BTD: variants seen among roughly 807,000 people sequenced by gnomAD.
The protein encoded by BTD is biotinidase.
BTD carries 13 observed loss-of-function variants against 17.7 expected under a neutral mutation model. The observed-to-expected ratio is 0.74, with a 90% CI of 0.48 to 1.17. The LOEUF is 1.17. Among genes scored for constraint, BTD ranks in the 50% most tolerant of loss-of-function variants. BTD has a pLI of 0.00. For synonymous variants in BTD, 240 were observed against 245.2 expected, an observed-to-expected ratio of 0.98 and a Z score of 0.20; for missense variants, 674 against 650.4, an observed-to-expected ratio of 1.04 and a Z score of -0.39.
At chr3:15,711,682 G>A (rs969109905) in exon 4 of BTD, among the ~76,000 whole-genome samples, 7 of 151,866 alleles carry the variant, frequency 4.6e-5, no homozygotes, top group Non-Finnish European at 1.0e-4. Context: ...GGGATGAAGA[G>A]GTTTTCTGTA....
intron 3 of BTD, among the ~76,000 whole-genome samples, chr3:15,698,531 C>T (rs1019197745): frequency 2.0e-5 from 3 of 152,204 alleles, no homozygotes; most frequent in African/African-American, 7.2e-5. Flanking sequence ...TGATAAGCAA[C>T]TTCAGCAAAG....
intron 1 of BTD, among the ~76,000 whole-genome samples, chr3:15,615,499 A>G (rs2064766494): frequency 6.6e-6 from 1 of 152,214 alleles, no homozygotes; most frequent in African/African-American, 2.4e-5. Context: ...CATGGTCTTT[A>G]AAATCTAAAC....
chr3:15,647,181 C>G lies in BTD; in HGVS notation c.*1693C>G, dbSNP rs2455852. On this transcript the variant is annotated 3_prime_UTR_variant, in exon 4 of 4. Transcript: ENST00000643237. ...ACCTCTCCCACCAGATGACGGAGTT[C>G]GCTTTCTCGCCCAGCGCAGCTCCCA... The G allele has an allele frequency of 3.3e-5, 5 of 152,074 alleles. No individual in the cohort carries two copies. The highest frequency in any genetic ancestry group is 2.6e-4 in the Admixed American group (4 of 15,272). The allele number at this position is 152,074 out of a possible 1,614,324, so 9.4% of individuals were successfully genotyped here. A position where few individuals can be genotyped will look rare whatever the true frequency, so the allele number is the denominator to read the frequency against.
chr3:15,608,531 G>T (rs950720170), intron 1 of BTD, among the ~76,000 whole-genome samples: 1 of 152,162 alleles, frequency 6.6e-6, no homozygotes, highest in Non-Finnish European at 1.5e-5. Flanking sequence ...ACTTTGGGAG[G>T]CCAAGGCAGG....
At chr3:15,627,712 CTTTTG>C (rs369839486) in intron 1 of BTD, among the ~76,000 whole-genome samples, 7 of 152,046 alleles carry the variant, frequency 4.6e-5, no homozygotes, top group Non-Finnish European at 7.4e-5. Flanking sequence ...AAGGGTTATT[CTTTTG>C]TTTTGTTTTG....
At position 15,653,103 on chromosome 3, in the gene BTD, C is replaced by T. The variant is rs532133287; in HGVS notation, c.*7615C>T. Among the ~76,000 whole-genome samples the T allele has an allele frequency of 1.2e-4, 19 of 152,318 alleles. No individual in the cohort carries two copies. The highest frequency in any genetic ancestry group is 4.1e-4 in the South Asian group (2 of 4,830). On this transcript the variant is annotated 3_prime_UTR_variant, in exon 4 of 4. Coordinates refer to ENST00000643237, the MANE Select transcript of BTD (RefSeq NM_001370658.1). ...TGGTATGGTGCAGACCAGGGGCTCT[C>T]GAAAGGTGGGCTCCAGGCAGCAGCA...
downstream of BTD, chr3:15,714,447 T>A: frequency 3.0e-6 from 2 of 668,548 alleles, no homozygotes. Context: ...TTTCATGAGC[T>A]CTGAAATCAT....
At chr3:15,716,963 C>T (rs759691259), downstream of BTD, among the ~76,000 whole-genome samples, 25 of 152,058 alleles carry the variant, frequency 1.6e-4, no homozygotes, top group Non-Finnish European at 7.4e-5. Context: ...TTCTGTCTCC[C>T]CATCTCCCTT....
chr3:15,702,461 G>T (rs1332266236), intron 3 of BTD, among the ~76,000 whole-genome samples: 1 of 152,076 alleles, frequency 6.6e-6, no homozygotes, highest in African/African-American at 2.4e-5. Context: ...TCTGTCCTCT[G>T]AAATAAAATA....
intron 1 of BTD, among the ~76,000 whole-genome samples, chr3:15,612,344 TATC>T (rs1054325362): frequency 2.0e-5 from 3 of 152,328 alleles, no homozygotes; most frequent in African/African-American, 7.2e-5. Flanking sequence ...TCATACCTAT[TATC>T]TGGTTTTTTT....
rs200286267 is a variant in BTD at position 15,685,476 on chromosome 3, C to T, written c.400-24584C>T. 83 of 1,601,064 alleles carry T rather than the reference C, an allele frequency of 5.2e-5. No homozygotes were observed. The African/African-American group carries it at 1.1e-3, about 20-fold the overall frequency. ...AGAAAATAATTTAAAGGTAGTCAAACATATTATGCTAAACATTACATGCCA... is the reference window on the plus strand; with the variant it reads ...AGAAAATAATTTAAAGGTAGTCAAATATATTATGCTAAACATTACATGCCA... On this transcript the variant is annotated intron_variant, in intron 3 of 3. Transcript: ENST00000672141.
intron 2 of BTD, among the ~76,000 whole-genome samples, chr3:15,640,256 T>G (rs1318464334): frequency 6.6e-6 from 1 of 152,244 alleles, no homozygotes; most frequent in Non-Finnish European, 1.5e-5. Context: ...GAGCACACTA[T>G]GCAGATGGTC....
downstream of BTD, chr3:15,713,753 A>G (rs940817174): frequency 3.6e-6 from 2 of 555,276 alleles, no homozygotes; most frequent in Non-Finnish European, 6.1e-6. Context: ...AGATACAGCA[A>G]TTTTAACTAG....
At chr3:15,603,558 G>A (rs1018550049) in intron 1 of BTD, among the ~76,000 whole-genome samples, 5 of 152,324 alleles carry the variant, frequency 3.3e-5, no homozygotes, top group African/African-American at 9.6e-5. Context: ...TCAGGAGGCT[G>A]AGGCAGGAGA....
intron 3 of BTD, among the ~76,000 whole-genome samples, chr3:15,681,705 CT>C (rs1350263785): frequency 6.6e-6 from 1 of 152,088 alleles, no homozygotes; most frequent in African/African-American, 2.4e-5. Context: ...TGTGTTCCAT[CT>C]TTTGTCAGTT....
In BTD at chr3:15,650,398, T is replaced by TCCTTCTCATTC; in HGVS notation, c.*4910_*4911insCCTTCTCATTC. Among the ~76,000 whole-genome samples the TCCTTCTCATTC allele has an allele frequency of 6.6e-6, 1 of 151,660 alleles. No individual in the cohort carries two copies. Among genetic ancestry groups the TCCTTCTCATTC allele is most frequent in the South Asian group, 2.1e-4 (1 of 4,782 alleles). On this transcript the variant is annotated 3_prime_UTR_variant, in exon 4 of 4. Coordinates refer to ENST00000643237, the MANE Select transcript of BTD (RefSeq NM_001370658.1). ...TTTGTAGATAACTTTTCTTCTCATT[T>TCCTTCTCATTC]TCCTTCTCATTCTCTTCATCTTTTT...
chr3:15,643,720 T>C (rs2065601181), intron 3 of BTD, among the ~76,000 whole-genome samples: 1 of 151,820 alleles, frequency 6.6e-6, no homozygotes, highest in Non-Finnish European at 1.5e-5. Flanking sequence ...TATTGATTTA[T>C]GATAGCTGTT....
chr3:15,603,140 T>G lies in BTD; in HGVS notation c.-17+1246T>G, dbSNP rs145649396. ...GGGTCCCTCTCACCACATGTGGGGATTATGGGAGCTATAATTCAAGATGAG... is the reference window on the plus strand; with the variant it reads ...GGGTCCCTCTCACCACATGTGGGGAGTATGGGAGCTATAATTCAAGATGAG... On this transcript the variant is annotated intron_variant, in intron 1 of 3. Transcript: ENST00000643237. 6.6e-5 allele frequency among the ~76,000 whole-genome samples: 10 copies of G among 152,252 alleles called. No individual in the cohort carries two copies. In the East Asian group the frequency reaches 1.7e-3, roughly 26 times the overall value.
At position 15,646,683 on chromosome 3, in the gene BTD, T is replaced by C. The variant is rs957310423; in HGVS notation, c.*1195T>C. On this transcript the variant is annotated 3_prime_UTR_variant, in exon 4 of 4. Coordinates refer to ENST00000643237, the MANE Select transcript of BTD (RefSeq NM_001370658.1). Reference sequence around the variant, plus strand: ...TTCAGATCATTTTTTAAGTACAGAATGGATAATTAGTCTTCAGTGATTTGC... The same window carrying C: ...TTCAGATCATTTTTTAAGTACAGAACGGATAATTAGTCTTCAGTGATTTGC... The C allele has an allele frequency of 6.6e-6, 1 of 152,276 alleles. No individual in the cohort carries two copies. Among genetic ancestry groups the C allele is most frequent in the African/African-American group, 2.4e-5 (1 of 41,466 alleles). 9.4% of individuals were successfully genotyped at this position (152,276 alleles called of 1,614,324 possible).
Sources: allele counts gnomAD v4.1 joint callset (sites outside exome capture counted in the v4.1 genomes callset), GRCh38; gene constraint gnomAD v4.1.1; transcripts MANE v1.5; gene names NCBI Gene and HGNC (gene_info 2026-07-23, HGNC 2026-07-21).